The following FMN1 variants were observed in gnomAD, a reference collection of about 807,000 sequenced individuals.
FMN1 encodes formin 1.
A neutral mutation model predicts 132.4 loss-of-function variants in FMN1; 110 were observed. The ratio of observed to expected loss-of-function variants is 0.83; its 90% CI spans 0.71 to 0.97. The LOEUF is 0.97. Ranked by LOEUF, FMN1 falls within the 50% of genes least tolerant of loss-of-function variation. The pLI, the probability that FMN1 is intolerant of heterozygous loss-of-function variation, is 0.00. For missense variants in FMN1, 1,792 were observed against 1,705.3 expected (o/e 1.05, Z -0.90); for synonymous variants, 722 against 651.7 (o/e 1.11, Z -1.64).
chr15:33,111,635 C>T (rs2039709158), intron 4 of FMN1, among the ~76,000 whole-genome samples: 1 of 152,136 alleles, frequency 6.6e-6, no homozygotes, highest in African/African-American at 2.4e-5. Flanking sequence ...GAAGGAGTAT[C>T]TTTTGCCTAT....
intron 9 of FMN1, among the ~76,000 whole-genome samples, chr15:32,960,305 T>C (rs1405951195): frequency 6.6e-6 from 1 of 152,156 alleles, no homozygotes; most frequent in Non-Finnish European, 1.5e-5. Flanking sequence ...ACTCACTCAC[T>C]ATCAGGAGAA....
At chr15:33,026,243 G>A (rs934090820) in intron 6 of FMN1, among the ~76,000 whole-genome samples, 4 of 151,524 alleles carry the variant, frequency 2.6e-5, no homozygotes, top group Non-Finnish European at 1.5e-5. Flanking sequence ...TTGAATAAAG[G>A]GAGGTAACAA....
intron 4 of FMN1, among the ~76,000 whole-genome samples, chr15:33,114,705 T>TG: frequency 1.3e-5 from 2 of 152,152 alleles, no homozygotes; most frequent in Non-Finnish European, 2.9e-5. Context: ...TAATGTCTCC[T>TG]AAACTATAAA....
chr15:32,813,459 C>T (rs938324895), intron 17 of FMN1, among the ~76,000 whole-genome samples: 1 of 152,136 alleles, frequency 6.6e-6, no homozygotes, highest in Non-Finnish European at 1.5e-5. Context: ...AGATGAGATG[C>T]TTTGCCCCAA....
At chr15:32,832,872 C>T (rs114866352) in intron 17 of FMN1, among the ~76,000 whole-genome samples, 1 of 152,056 alleles carries the variant, frequency 6.6e-6, no homozygotes, top group Non-Finnish European at 1.5e-5. Flanking sequence ...CCTTTATGAC[C>T]CCGGGTTACC....
chr15:32,954,681 A>C (rs1208172453), intron 9 of FMN1, among the ~76,000 whole-genome samples: 1 of 152,264 alleles, frequency 6.6e-6, no homozygotes, highest in Non-Finnish European at 1.5e-5. Context: ...ACTTGCAGTT[A>C]AATGCAGACG....
intron 14 of FMN1, among the ~76,000 whole-genome samples, chr15:32,899,441 C>A (rs914863073): frequency 1.3e-5 from 2 of 152,156 alleles, no homozygotes; most frequent in Non-Finnish European, 2.9e-5. Context: ...CCTCCCTGCA[C>A]CCCCCTGCCC....
At chr15:33,108,254 G>A (rs345772) in intron 4 of FMN1, among the ~76,000 whole-genome samples, 112,305 of 151,886 alleles carry the variant, frequency 0.74, 42,216 homozygotes, top group African/African-American at 0.86. Flanking sequence ...GAAAAGATAT[G>A]AAACTCAATC....
intron 5 of FMN1, chr15:33,067,725 C>T (rs753334391): frequency 6.2e-7 from 1 of 1,614,042 alleles, no homozygotes; most frequent in Non-Finnish European, 8.5e-7. Flanking sequence ...AGCACAGCAT[C>T]TTCCTCTTCT....
At chr15:33,157,019 G>A (rs1233936916) in intron 3 of FMN1, among the ~76,000 whole-genome samples, 3 of 152,154 alleles carry the variant, frequency 2.0e-5, no homozygotes, top group Non-Finnish European at 4.4e-5. Context: ...TGTAATCCCA[G>A]CACTTTGGGA....
At chr15:33,001,565 T>TA (rs2034109876) in intron 7 of FMN1, among the ~76,000 whole-genome samples, 2 of 80,188 alleles carry the variant, frequency 2.5e-5, no homozygotes, top group Admixed American at 1.4e-4. Flanking sequence ...CTCCTCCCAC[T>TA]TCCCCCCCCA....
intron 5 of FMN1, chr15:33,067,100 T>G (rs746102620): frequency 1.5e-5 from 24 of 1,613,894 alleles, no homozygotes; most frequent in Non-Finnish European, 1.8e-5. Context: ...GACTTCTTTT[T>G]TAGAAGAGGC....
Position 32,963,994 on chromosome 15 carries a change from ATG to A in FMN1, c.3138+111_3138+112del, listed in dbSNP as rs35298684. The A allele has an allele frequency of 0.14, 65,552 of 464,512 alleles. 6,264 individuals carry two copies. Among genetic ancestry groups the A allele is most frequent in the African/African-American group, 0.48 (20,037 of 41,926 alleles). 28.8% of individuals were successfully genotyped at this position (464,512 alleles called of 1,614,324 possible). A position where few individuals can be genotyped will look rare whatever the true frequency, so the allele number is the denominator to read the frequency against. On this transcript the variant is annotated intron_variant, in intron 9 of 20. Coordinates refer to ENST00000616417, the MANE Select transcript of FMN1 (RefSeq NM_001277313.2). Reference sequence around the variant, plus strand: ...GATACACACACATATATGTATAGGTATGTGTGTGTGTGTATATACGATACACA... The same window carrying A: ...GATACACACACATATATGTATAGGTATGTGTGTGTGTATATACGATACACA...
At chr15:33,020,356 A>G (rs527518474) in intron 6 of FMN1, among the ~76,000 whole-genome samples, 2 of 151,338 alleles carry the variant, frequency 1.3e-5, no homozygotes, top group East Asian at 3.9e-4. Context: ...CGGTCACTAT[A>G]AGACTATGTG....
At chr15:33,063,137 G>A (rs1021613504) in intron 6 of FMN1, 4 of 152,242 alleles carry the variant, frequency 2.6e-5, no homozygotes, top group African/African-American at 4.8e-5. Context: ...GATCTTCTAC[G>A]TGCTTCTCCA....
chr15:32,884,906 C>T (rs1025767665), intron 16 of FMN1, among the ~76,000 whole-genome samples: 17 of 152,178 alleles, frequency 1.1e-4, no homozygotes, highest in African/African-American at 3.6e-4. Flanking sequence ...TCAGCAACAC[C>T]GGCTGATTAT....
intron 17 of FMN1, among the ~76,000 whole-genome samples, chr15:32,856,721 GA>G (rs1337256451): frequency 6.6e-6 from 1 of 152,172 alleles, no homozygotes; most frequent in African/African-American, 2.4e-5. Flanking sequence ...ACGGGCTAAG[GA>G]ATTCCTTGAG....
intron 4 of FMN1, chr15:33,151,226 A>G (rs967264652): frequency 1.3e-6 from 2 of 1,534,520 alleles, no homozygotes; most frequent in Non-Finnish European, 1.7e-6. Context: ...AAGTCTCCAC[A>G]GTAGAGAAGT....
At chr15:33,029,264 A>G (rs898264266) in intron 6 of FMN1, among the ~76,000 whole-genome samples, 71 of 112,486 alleles carry the variant, frequency 6.3e-4, no homozygotes, top group African/African-American at 1.9e-3. Flanking sequence ...ACACACAAGG[A>G]AAAAAAAAAT....
Sources: allele counts gnomAD v4.1 joint callset (sites outside exome capture counted in the v4.1 genomes callset), GRCh38; gene constraint gnomAD v4.1.1; transcripts MANE v1.5; gene names NCBI Gene and HGNC (gene_info 2026-07-23, HGNC 2026-07-21).